ARHGAP24: variants seen among roughly 807,000 people sequenced by gnomAD.
ARHGAP24 encodes the protein Rho GTPase activating protein 24, also known as rho GTPase-activating protein 24.
ARHGAP24 carries 50 observed loss-of-function variants against 76.4 expected under a neutral mutation model. The ratio of observed to expected loss-of-function variants is 0.65; its 90% CI spans 0.52 to 0.83. ARHGAP24 has a LOEUF of 0.83. Ranked by LOEUF, ARHGAP24 falls within the 40% of genes least tolerant of loss-of-function variation. The pLI is 0.00. For missense variants in ARHGAP24, 930 were observed against 914.2 expected (o/e 1.02, Z -0.22); for synonymous variants, 345 against 323.3 (o/e 1.07, Z -0.72).
chr4:85,575,782 G>A (rs1382896402), intron 2 of ARHGAP24, among the ~76,000 whole-genome samples: 3 of 152,130 alleles, frequency 2.0e-5, no homozygotes, highest in Non-Finnish European at 4.4e-5. Flanking sequence ...CTATTATGTA[G>A]CATATTATTA....
intron 1 of ARHGAP24, among the ~76,000 whole-genome samples, chr4:85,515,042 C>T (rs553312366): frequency 5.9e-5 from 9 of 152,010 alleles, no homozygotes; most frequent in African/African-American, 1.7e-4. Flanking sequence ...CATCCTGCTG[C>T]GGATCTTCTG....
chr4:85,676,120 T>TCA (rs1722971240), intron 2 of ARHGAP24, among the ~76,000 whole-genome samples: 1 of 152,214 alleles, frequency 6.6e-6, no homozygotes, highest in African/African-American at 2.4e-5. Context: ...ATGGCAGTTA[T>TCA]CATAGCAGCC....
intron 1 of ARHGAP24, among the ~76,000 whole-genome samples, chr4:85,561,630 T>C (rs1266727643): frequency 6.6e-6 from 1 of 152,244 alleles, no homozygotes; most frequent in African/African-American, 2.4e-5. Context: ...TATATGTCCT[T>C]CTCTGCATCC....
chr4:85,665,624 A>G (rs1722582659), intron 2 of ARHGAP24, among the ~76,000 whole-genome samples: 1 of 152,010 alleles, frequency 6.6e-6, no homozygotes, highest in South Asian at 2.1e-4. Flanking sequence ...GGTCTTTACA[A>G]TTTGGCTTGA....
At chr4:85,679,732 C>T (rs1211728019) in intron 2 of ARHGAP24, among the ~76,000 whole-genome samples, 2 of 152,124 alleles carry the variant, frequency 1.3e-5, no homozygotes, top group East Asian at 1.9e-4. Context: ...TGCTGCCACT[C>T]GCCTTCCTGA....
intron 3 of ARHGAP24, among the ~76,000 whole-genome samples, chr4:85,912,293 G>C (rs1264427578): frequency 6.6e-6 from 1 of 152,100 alleles, no homozygotes; most frequent in African/African-American, 2.4e-5. Flanking sequence ...AAATGGTGGA[G>C]TTTAAATTCC....
chr4:85,607,513 G>A (rs990959409), intron 2 of ARHGAP24, among the ~76,000 whole-genome samples: 2 of 151,748 alleles, frequency 1.3e-5, no homozygotes, highest in African/African-American at 2.4e-5. Flanking sequence ...AATCATCTCC[G>A]TACCCCTTCC....
At chr4:85,842,881 T>C (rs1323317892) in intron 3 of ARHGAP24, among the ~76,000 whole-genome samples, 1 of 152,146 alleles carries the variant, frequency 6.6e-6, no homozygotes, top group African/African-American at 2.4e-5. Flanking sequence ...GATGGTGGGG[T>C]GGTATCAGTA....
chr4:85,715,867 T>G (rs916108731), intron 2 of ARHGAP24, among the ~76,000 whole-genome samples: 3 of 152,094 alleles, frequency 2.0e-5, no homozygotes, highest in Non-Finnish European at 2.9e-5. Context: ...ACTTGCTACA[T>G]GTTGTTTAAT....
At chr4:85,792,344 TG>T (rs1728168273) in intron 3 of ARHGAP24, among the ~76,000 whole-genome samples, 1 of 152,064 alleles carries the variant, frequency 6.6e-6, no homozygotes, top group African/African-American at 2.4e-5. Context: ...GGAAGAAAAA[TG>T]GAGTATCCCG....
At chr4:85,888,658 C>T (rs555106929) in intron 3 of ARHGAP24, among the ~76,000 whole-genome samples, 4 of 151,832 alleles carry the variant, frequency 2.6e-5, no homozygotes, top group Non-Finnish European at 5.9e-5. Context: ...GTTACATGTG[C>T]AGGTTTGTTA....
intron 1 of ARHGAP24, among the ~76,000 whole-genome samples, chr4:85,488,242 G>T (rs1347162790): frequency 6.6e-6 from 1 of 151,620 alleles, no homozygotes; most frequent in Admixed American, 6.6e-5. Context: ...GCTAAACCTG[G>T]GTCTTAACAC....
chr4:85,615,137 C>A (rs917992788), intron 2 of ARHGAP24, among the ~76,000 whole-genome samples: 2 of 151,938 alleles, frequency 1.3e-5, no homozygotes, highest in Non-Finnish European at 2.9e-5. Context: ...TGTATATTTG[C>A]TGTATAAATA....
At chr4:85,858,466 C>G (rs550627650) in intron 3 of ARHGAP24, among the ~76,000 whole-genome samples, 1 of 152,228 alleles carries the variant, frequency 6.6e-6, no homozygotes, top group South Asian at 2.1e-4. Context: ...TGTATTTGCT[C>G]CTTCCCCCAT....
At chr4:85,617,795 T>G (rs1444561297) in intron 2 of ARHGAP24, among the ~76,000 whole-genome samples, 1 of 152,198 alleles carries the variant, frequency 6.6e-6, no homozygotes, top group Middle Eastern at 3.2e-3. Context: ...TTTTATCAAT[T>G]TACATTGCCA....
chr4:85,541,142 C>CTTTTTTTTTTTTTTTTTTTTT (rs70948733), intron 1 of ARHGAP24, among the ~76,000 whole-genome samples: 1 of 49,740 alleles, frequency 2.0e-5, no homozygotes, highest in Non-Finnish European at 3.1e-5. Context: ...CATCCATGAC[C>CTTTTTTTTTTTTTTTTTTTTT]TTTTTTTTTT....
At chr4:85,915,024 G>C (rs369704663) in intron 3 of ARHGAP24, among the ~76,000 whole-genome samples, 3 of 152,280 alleles carry the variant, frequency 2.0e-5, no homozygotes, top group East Asian at 3.9e-4. Flanking sequence ...GCTCTGCCAA[G>C]AAAATGTTCT....
chr4:85,925,033 A>G (rs1735943208), intron 4 of ARHGAP24, among the ~76,000 whole-genome samples: 1 of 152,164 alleles, frequency 6.6e-6, no homozygotes, highest in African/African-American at 2.4e-5. Context: ...TGACTATGTA[A>G]AATATTTGAA....
At chr4:85,825,548 A>G (rs912850002) in intron 3 of ARHGAP24, among the ~76,000 whole-genome samples, 1 of 152,250 alleles carries the variant, frequency 6.6e-6, no homozygotes, top group Non-Finnish European at 1.5e-5. Flanking sequence ...ATAATGCATT[A>G]TGTGTATGTT....
Sources: gnomAD v4.1 joint callset for allele counts (sites outside exome capture counted in the v4.1 genomes callset) on GRCh38, gnomAD v4.1.1 for gene constraint, MANE v1.5 for transcripts, NCBI Gene and HGNC (gene_info 2026-07-23, HGNC 2026-07-21) for gene names.